Variants in MYO5B observed in about 807,000 individuals in gnomAD.
MYO5B encodes the protein unconventional myosin-Vb.
MYO5B carries 143 observed loss-of-function variants against 229.3 expected under a neutral mutation model. The ratio of observed to expected loss-of-function variants is 0.62; its 90% CI spans 0.54 to 0.72. MYO5B has a LOEUF of 0.72. Among genes scored for constraint, MYO5B ranks in the 30% least tolerant of loss-of-function variants. The probability of loss-of-function intolerance (pLI) is 0.00; values close to 1 mark genes in which losing one functional copy is unlikely to be tolerated. For synonymous variants in MYO5B, 918 were observed against 885.2 expected (o/e 1.04, Z -0.66); for missense variants, 2,321 against 2,331.0 (o/e 1.00, Z 0.09).
chr18:50,044,006 T>C (rs1485653992), intron 2 of MYO5B, among the ~76,000 whole-genome samples: 1 of 151,998 alleles, frequency 6.6e-6, no homozygotes, highest in Admixed American at 6.6e-5. Context: ...TCTAACCAAA[T>C]ACCACCTATT....
chr18:49,960,863 T>A (rs1374012669), intron 12 of MYO5B, among the ~76,000 whole-genome samples: 1 of 152,160 alleles, frequency 6.6e-6, no homozygotes, highest in African/African-American at 2.4e-5. Context: ...GAGAACTGTA[T>A]ACGACCTTCA....
Position 49,836,879 on chromosome 18 carries a change from A to G in MYO5B, c.5145T>C (p.Asn1715=). ...SWSTGMQLRY[N]ISQLEEWLRG... is the part of the protein sequence containing the mutation. Reference sequence around the variant, plus strand: ...GAAGCCACTCCTCAAGCTGACTTATATTGTACCTTAGCCATAGGTAGAAAG... The same window carrying G: ...GAAGCCACTCCTCAAGCTGACTTATGTTGTACCTTAGCCATAGGTAGAAAG... The change falls in exon 38 of 40, where the codon AAT becomes AAC. Residue 1715 remains asparagine, a synonymous_variant. Transcript: ENST00000285039. 1 of 1,613,972 alleles carries G rather than the reference A, an allele frequency of 6.2e-7. No homozygotes were observed. The highest frequency in any genetic ancestry group is 8.5e-7 in the Non-Finnish European group (1 of 1,179,882).
intron 1 of MYO5B, among the ~76,000 whole-genome samples, chr18:50,187,468 C>G (rs2033164133): frequency 6.6e-6 from 1 of 151,950 alleles, no homozygotes; most frequent in Non-Finnish European, 1.5e-5. Flanking sequence ...ATAAGACAGT[C>G]TGACAAACCC....
In MYO5B at chr18:49,953,374, G is replaced by A. The variant is rs77785690; in HGVS notation, c.1669-31C>T. 8.6e-3 allele frequency: 13,698 copies of A among 1,590,748 alleles called. 76 individuals are homozygous for A. The highest frequency in any genetic ancestry group is 0.01 in the Non-Finnish European group (11,763 of 1,158,650). ...GCCACAGCAACCAGAGAGAGACACA[G>A]TCGTTAGTGCTTCAGCAGTTTCTCA... On this transcript the variant is annotated intron_variant, in intron 13 of 39. Transcript: ENST00000285039.
intron 19 of MYO5B, 118 bp downstream of exon 19, chr18:49,906,301 G>C: frequency 3.0e-6 from 3 of 993,682 alleles, no homozygotes; most frequent in Non-Finnish European, 4.6e-6. Flanking sequence ...ATGCAGACAT[G>C]GCCCCAACAG....
chr18:49,985,519 G>A (rs1026085927), intron 7 of MYO5B, among the ~76,000 whole-genome samples: 1 of 152,152 alleles, frequency 6.6e-6, no homozygotes, highest in Non-Finnish European at 1.5e-5. Context: ...CAAAGAGGAC[G>A]GCAGAATTAG....
chr18:49,861,995 G>GAT (rs1301824905), intron 29 of MYO5B, among the ~76,000 whole-genome samples: 82 of 131,118 alleles, frequency 6.3e-4, no homozygotes, highest in African/African-American at 2.1e-3. Flanking sequence ...CCAGCTCCAT[G>GAT]TTTTTTTTTT....
intron 9 of MYO5B, among the ~76,000 whole-genome samples, chr18:49,978,694 TAC>T (rs10527520): frequency 0.017 from 2,320 of 139,066 alleles, 29 homozygotes; most frequent in African/African-American, 0.029. Flanking sequence ...CAGCAAGTAA[TAC>T]ACACACACAC....
intron 10 of MYO5B, among the ~76,000 whole-genome samples, chr18:49,967,389 G>T (rs1368516655): frequency 1.3e-5 from 2 of 152,178 alleles, no homozygotes; most frequent in African/African-American, 4.8e-5. Context: ...AGAACAGAGA[G>T]GCAGTGAGAT....
At chr18:50,193,647 C>G (rs565883344) in intron 1 of MYO5B, among the ~76,000 whole-genome samples, 1 of 152,370 alleles carries the variant, frequency 6.6e-6, no homozygotes, top group East Asian at 1.9e-4. Context: ...GGACACCACA[C>G]GCACACACAA....
At chr18:49,921,907 G>A (rs1286001530) in intron 17 of MYO5B, among the ~76,000 whole-genome samples, 1 of 152,160 alleles carries the variant, frequency 6.6e-6, no homozygotes, top group Non-Finnish European at 1.5e-5. Context: ...GTTGGAGATG[G>A]CATAAATTGT....
chr18:49,860,428 A>G (rs980576643), intron 29 of MYO5B, among the ~76,000 whole-genome samples: 1 of 152,118 alleles, frequency 6.6e-6, no homozygotes, highest in African/African-American at 2.4e-5. Flanking sequence ...AAATGGTGAT[A>G]ATGATGCTGG....
At chr18:49,939,633 C>A (rs1254163264) in intron 14 of MYO5B, among the ~76,000 whole-genome samples, 3 of 152,178 alleles carry the variant, frequency 2.0e-5, no homozygotes, top group Non-Finnish European at 4.4e-5. Flanking sequence ...AACCTCTGTT[C>A]CCTCCACCAC....
At chr18:49,858,475 G>T (rs535102711) in intron 29 of MYO5B, among the ~76,000 whole-genome samples, 2 of 152,306 alleles carry the variant, frequency 1.3e-5, no homozygotes, top group South Asian at 4.1e-4. Flanking sequence ...CCAGGACCCA[G>T]GGTCTCCAGA....
At chr18:50,063,146 A>G (rs1460247051) in intron 1 of MYO5B, among the ~76,000 whole-genome samples, 2 of 152,166 alleles carry the variant, frequency 1.3e-5, no homozygotes, top group African/African-American at 4.8e-5. Context: ...ATGTGCGTAT[A>G]AAGTGTCATG....
chr18:49,883,031 T>C (rs1403792133), intron 22 of MYO5B, among the ~76,000 whole-genome samples: 2 of 152,206 alleles, frequency 1.3e-5, no homozygotes, highest in African/African-American at 4.8e-5. Flanking sequence ...AAACTACAAA[T>C]AGAAGTGAAC....
chr18:50,023,927 G>GA (rs749279674), intron 4 of MYO5B, among the ~76,000 whole-genome samples: 2 of 151,816 alleles, frequency 1.3e-5, no homozygotes. Context: ...ACTTCAGAAA[G>GA]AAAAAAAATC....
intron 1 of MYO5B, among the ~76,000 whole-genome samples, chr18:50,086,239 C>T (rs569883973): frequency 1.3e-5 from 2 of 152,214 alleles, no homozygotes; most frequent in South Asian, 4.1e-4. Context: ...TTCCTTCCCT[C>T]TTCCGTTGCC....
chr18:49,997,365 CTTTCT>C (rs2026000367), intron 5 of MYO5B, among the ~76,000 whole-genome samples: 3 of 97,576 alleles, frequency 3.1e-5, no homozygotes, highest in South Asian at 3.7e-4. Context: ...AGCCTCCTTT[CTTTCT>C]TTTTTTTTTT....
Sources: gnomAD v4.1 joint callset for allele counts (sites outside exome capture counted in the v4.1 genomes callset) on GRCh38, gnomAD v4.1.1 for gene constraint, MANE v1.5 for transcripts, NCBI Gene and HGNC (gene_info 2026-07-23, HGNC 2026-07-21) for gene names.